Variants in ZNF221 observed in about 807,000 individuals in gnomAD.
ZNF221 encodes the protein zinc finger protein 221.
In ZNF221, 10 loss-of-function variants were observed where a neutral mutation model predicts 12.6. That is an observed-to-expected ratio of 0.79 (90% CI 0.49 to 1.34). ZNF221 has a LOEUF of 1.34. Among genes scored for constraint, ZNF221 ranks in the 40% most tolerant of loss-of-function variants. The pLI is 0.00. For synonymous variants in ZNF221, 232 were observed against 244.0 expected, an observed-to-expected ratio of 0.95 and a Z score of 0.46; for missense variants, 661 against 721.4, an observed-to-expected ratio of 0.92 and a Z score of 0.96.
At chr19:43,957,926 G>T (rs1167436038) in intron 1 of ZNF221, among the ~76,000 whole-genome samples, 1 of 152,170 alleles carries the variant, frequency 6.6e-6, no homozygotes, top group African/African-American at 2.4e-5. Flanking sequence ...ATCATTTCCT[G>T]TTCTATCCAG....
At position 43,966,622 on chromosome 19, in the gene ZNF221, G is replaced by A. The variant is rs150467733; in HGVS notation, c.1120G>A (p.Gly374Ser). 2.3e-5 allele frequency: 37 copies of A among 1,614,110 alleles called. No individual in the cohort carries two copies. In the East Asian group the frequency reaches 7.8e-4, roughly 34 times the overall value. Residue 374 changes from glycine (G) to serine (S), a missense_variant, in exon 5 of 5, where the codon GGC becomes AGC. By Grantham distance (56) the Gly-to-Ser change is moderately conservative. Transcript: ENST00000587682. ...ATACAAATGTGAGCAATGTGGAAAA[G>A]GCTTCATTTGTAGGCGAGATTTTTG... ...KPYKCEQCGK[G>S]FICRRDFCKH...
intron 2 of ZNF221, among the ~76,000 whole-genome samples, chr19:43,963,856 A>G (rs1422183284): frequency 1.3e-5 from 2 of 152,234 alleles, no homozygotes; most frequent in East Asian, 3.8e-4. Flanking sequence ...AATATTTACA[A>G]CCTGCTCTTA....
At chr19:43,980,897 C>T in the ZNF221 span, among the ~76,000 whole-genome samples, 1 of 152,134 alleles carries the variant, frequency 6.6e-6, no homozygotes. Flanking sequence ...GTTTCTCTGC[C>T]ATCAGGACCC....
At chr19:43,956,521 C>G (rs1009834761) in intron 1 of ZNF221, among the ~76,000 whole-genome samples, 1 of 150,974 alleles carries the variant, frequency 6.6e-6, no homozygotes, top group South Asian at 2.1e-4. Context: ...CTCTCTTATG[C>G]GAAACACTGA....
In ZNF221 at chr19:43,966,586, G is replaced by A. The variant is rs1974967329; in HGVS notation, c.1084G>A (p.Glu362Lys). Residue 362 changes from glutamate (E) to lysine (K), a missense_variant, in exon 5 of 5, where the codon GAA becomes AAA. Transcript: ENST00000587682. ...ALNSHSMVHI[E>K]EKPYKCEQCG... is the part of the protein sequence containing the mutation. Reference sequence around the variant, plus strand: ...TAATAGTCATTCCATGGTCCACATAGAAGAGAAGCCATACAAATGTGAGCA... The same window carrying A: ...TAATAGTCATTCCATGGTCCACATAAAAGAGAAGCCATACAAATGTGAGCA... 1 of 1,614,068 alleles carries A rather than the reference G, an allele frequency of 6.2e-7. No homozygotes were observed. The highest frequency in any genetic ancestry group is 8.5e-7 in the Non-Finnish European group (1 of 1,180,036).
At chr19:43,958,441 G>T (rs771802342) in intron 1 of ZNF221, among the ~76,000 whole-genome samples, 1 of 152,162 alleles carries the variant, frequency 6.6e-6, no homozygotes, top group Non-Finnish European at 1.5e-5. Context: ...CATTTATAGG[G>T]TGAGTTGAGC....
intron 1 of ZNF221, among the ~76,000 whole-genome samples, chr19:43,956,943 TGAA>T (rs926606186): frequency 6.6e-6 from 1 of 152,228 alleles, no homozygotes; most frequent in Non-Finnish European, 1.5e-5. Flanking sequence ...ACCATGTGGT[TGAA>T]GAAGATTTGT....
chr19:43,977,114 A>G, the ZNF221 span: 1 of 152,218 alleles, frequency 6.6e-6, no homozygotes, highest in African/African-American at 2.4e-5. Context: ...CTTCATAACA[A>G]ACTAAGTGTC....
At chr19:43,962,046 A>G (rs1470179535) in intron 1 of ZNF221, 1 of 152,428 alleles carries the variant, frequency 6.6e-6, no homozygotes, top group African/African-American at 2.4e-5. Flanking sequence ...ATTATCCTGT[A>G]AAGATTAGCT....
At chr19:43,965,135 A>G in intron 3 of ZNF221, 59 bp downstream of exon 3, 2 of 1,604,670 alleles carry the variant, frequency 1.2e-6, no homozygotes, top group Non-Finnish European at 1.7e-6. Flanking sequence ...TTTGTATTCC[A>G]AGTTTGAGTA....
intron 4 of ZNF221, among the ~76,000 whole-genome samples, 154 bp from the exon 5 acceptor site, chr19:43,965,650 C>G (rs1177611531): frequency 6.6e-6 from 1 of 152,134 alleles, no homozygotes; most frequent in Admixed American, 6.5e-5. Flanking sequence ...CTAAATTGTT[C>G]TCTTGAAAAC....
At chr19:43,962,866 AT>A in intron 2 of ZNF221, 59 bp downstream of exon 2, 2 of 1,516,322 alleles carry the variant, frequency 1.3e-6, no homozygotes, top group Non-Finnish European at 1.8e-6. Context: ...ATATTGTCAC[AT>A]TTTTATCTGT....
chr19:43,965,585 T>C (rs967336404), intron 4 of ZNF221, among the ~76,000 whole-genome samples: 3 of 152,246 alleles, frequency 2.0e-5, no homozygotes, highest in Admixed American at 2.0e-4. Flanking sequence ...TTATTAATTA[T>C]TTAATTCAGT....
chr19:43,967,474 T>G lies in ZNF221; in HGVS notation c.*118T>G. On this transcript the variant is annotated 3_prime_UTR_variant, in exon 5 of 5. Transcript: ENST00000587682. ...CTGTGGGAAGAGCTTTGTACATAGA[T>G]CATATCTTTTTTTTTTTTTTTTGAG... 2.7e-6 allele frequency: 2 copies of G among 742,034 alleles called. No homozygotes were observed. Among genetic ancestry groups the G allele is most frequent in the Non-Finnish European group, 4.2e-6 (2 of 470,800 alleles). 46.0% of individuals were successfully genotyped at this position (742,034 alleles called of 1,614,324 possible). A position where few individuals can be genotyped will look rare whatever the true frequency, so the allele number is the denominator to read the frequency against.
At chr19:43,979,435 AT>A in the ZNF221 span, among the ~76,000 whole-genome samples, 17,067 of 151,426 alleles carry the variant, frequency 0.11, 1,051 homozygotes, top group East Asian at 0.14. Flanking sequence ...ATATATATAT[AT>A]ATATATATGG....
Position 43,967,330 on chromosome 19 carries a change from A to C in ZNF221, c.1828A>C (p.Ser610Arg). 2 of 1,612,622 alleles carry C rather than the reference A, an allele frequency of 1.2e-6. No individual in the cohort carries two copies. The highest frequency in any genetic ancestry group is 8.5e-7 in the Non-Finnish European group (1 of 1,179,310). ...SEFTASFTSVSLCGRKAI is the reference protein window; with the variant it reads ...SEFTASFTSVRLCGRKAI ...ATTCACAGCTTCATTTACATCAGTA[A>C]GTCTATGTGGGAGAAAAGCCATATA... Residue 610 changes from serine to arginine, a missense_variant, in exon 5 of 5, where the codon AGT becomes CGT. Coordinates refer to ENST00000587682, the MANE Select transcript of ZNF221 (RefSeq NM_001297588.2).
rs144558419 is a variant in ZNF221 at position 43,966,485 on chromosome 19, A to G, written c.983A>G (p.His328Arg). 2 of 1,614,242 alleles carry G rather than the reference A, an allele frequency of 1.2e-6. No individual in the cohort carries two copies. Among genetic ancestry groups the G allele is most frequent in the African/African-American group, 2.7e-5 (2 of 75,066 alleles). The change falls in exon 5 of 5, where the codon CAT (histidine) becomes CGT (arginine). Residue 328 changes from histidine (H) to arginine (R), a missense_variant. Physicochemically the swap from His to Arg is conservative, Grantham distance 29. Coordinates refer to ENST00000587682, the MANE Select transcript of ZNF221 (RefSeq NM_001297588.2). The part of the protein sequence containing the change: ...SFRVRSRLNR[H>R]SMVHTGEKPF... ...CGTGTTAGATCAAGACTTAATAGGC[A>G]TTCCATGGTTCACACAGGAGAAAAA... is the stretch of plus-strand genomic sequence containing the variant.
downstream of ZNF221, among the ~76,000 whole-genome samples, chr19:43,971,055 A>G (rs1975087626): frequency 1.3e-5 from 2 of 152,244 alleles, no homozygotes; most frequent in Admixed American, 1.3e-4. Context: ...CCATCAGACT[A>G]ATAGCAGACA....
At chr19:43,961,286 T>C (rs1382899599) in intron 1 of ZNF221, among the ~76,000 whole-genome samples, 1 of 152,206 alleles carries the variant, frequency 6.6e-6, no homozygotes, top group Non-Finnish European at 1.5e-5. Flanking sequence ...TTATTTACAT[T>C]TTGTATTTTG....
Sources: gnomAD v4.1 joint callset for allele counts (sites outside exome capture counted in the v4.1 genomes callset) on GRCh38, gnomAD v4.1.1 for gene constraint, MANE v1.5 for transcripts, NCBI Gene and HGNC (gene_info 2026-07-23, HGNC 2026-07-21) for gene names.